LRBA: variants seen among roughly 807,000 people sequenced by gnomAD.
LRBA encodes the protein LPS responsive beige-like anchor protein, also known as lipopolysaccharide-responsive and beige-like anchor protein.
A neutral mutation model predicts 330.0 loss-of-function variants in LRBA; 176 were observed. That is an observed-to-expected ratio of 0.53 (90% CI 0.47 to 0.60). LRBA has a LOEUF of 0.60. Among genes scored for constraint, LRBA ranks in the 20% least tolerant of loss-of-function variants. The pLI is 0.00. For missense variants in LRBA, 3,259 were observed against 3,444.8 expected, an observed-to-expected ratio of 0.95 and a Z score of 1.35; for synonymous variants, 1,230 against 1,193.0, an observed-to-expected ratio of 1.03 and a Z score of -0.64.
chr4:150,493,911 T>C (rs1759257548), intron 40 of LRBA, among the ~76,000 whole-genome samples: 1 of 152,040 alleles, frequency 6.6e-6, no homozygotes, highest in Admixed American at 6.5e-5. Context: ...TAGCAAGACC[T>C]CATCTCTACA....
chr4:150,627,435 G>T (rs1254201172), intron 37 of LRBA, among the ~76,000 whole-genome samples: 1 of 151,596 alleles, frequency 6.6e-6, no homozygotes, highest in Admixed American at 6.6e-5. Context: ...TAAACACAAG[G>T]GTAGTTAATC....
intron 47 of LRBA, among the ~76,000 whole-genome samples, chr4:150,402,126 TAAA>T (rs545194572): frequency 3.4e-5 from 4 of 117,624 alleles, no homozygotes; most frequent in Non-Finnish European, 3.6e-5. Context: ...CCATCTCTAC[TAAA>T]AAAAAAAAAA....
intron 46 of LRBA, among the ~76,000 whole-genome samples, chr4:150,417,634 A>G (rs1747969462): frequency 6.6e-6 from 1 of 152,076 alleles, no homozygotes; most frequent in Non-Finnish European, 1.5e-5. Context: ...TTGTTTTATA[A>G]TTCTCCTAGA....
At chr4:150,822,483 T>G (rs1346561162) in intron 30 of LRBA, among the ~76,000 whole-genome samples, 1 of 152,198 alleles carries the variant, frequency 6.6e-6, no homozygotes, top group Non-Finnish European at 1.5e-5. Context: ...AAATTGAGAA[T>G]AGACAGGGCA....
At chr4:150,788,911 C>T (rs540335057) in intron 34 of LRBA, among the ~76,000 whole-genome samples, 8 of 151,904 alleles carry the variant, frequency 5.3e-5, no homozygotes, top group South Asian at 4.2e-4. Context: ...CCCATCTCCA[C>T]TAAAATTCAA....
intron 37 of LRBA, among the ~76,000 whole-genome samples, chr4:150,631,568 T>C (rs1777381435): frequency 6.6e-6 from 1 of 152,206 alleles, no homozygotes; most frequent in South Asian, 2.1e-4. Flanking sequence ...CATAATCACC[T>C]TCCAAAAATG....
In LRBA at chr4:150,538,905, T is replaced by C. The variant is rs146466155; in HGVS notation, c.6331-47870A>G. On this transcript the variant is annotated intron_variant, in intron 40 of 56. Coordinates refer to ENST00000651943, the MANE Select transcript of LRBA (RefSeq NM_001364905.1). ...ATTCCTACCCCAAACCTCAGTGTTA[T>C]TCAATATTCCCATGTAACAAACCTG... is the stretch of plus-strand genomic sequence containing the variant. 8.8e-4 allele frequency among the ~76,000 whole-genome samples: 134 copies of C among 152,192 alleles called. 2 individuals are homozygous for C. The Middle Eastern group carries it at 0.014, about 15-fold the overall frequency.
intron 56 of LRBA, among the ~76,000 whole-genome samples, chr4:150,272,800 T>C (rs994756957): frequency 2.0e-5 from 3 of 151,886 alleles, no homozygotes; most frequent in Non-Finnish European, 4.4e-5. Context: ...TCAAGAAATA[T>C]AGGACTATGT....
At chr4:150,740,786 A>G (rs1731846758) in intron 35 of LRBA, among the ~76,000 whole-genome samples, 1 of 152,106 alleles carries the variant, frequency 6.6e-6, no homozygotes, top group Non-Finnish European at 1.5e-5. Context: ...CTTTCTGCAT[A>G]ATCTGATGAG....
rs111515744 is a variant in LRBA at position 150,537,755 on chromosome 4, A to T, written c.6331-46720T>A. ...CACTTGAGGTCAGCAGTTGCTCAGG[A>T]CCAGCCTGAACAACATGGTGAGACC... On this transcript the variant is annotated intron_variant, in intron 40 of 56. Coordinates refer to ENST00000651943, the MANE Select transcript of LRBA (RefSeq NM_001364905.1). Among the ~76,000 whole-genome samples the T allele has an allele frequency of 5.7e-3, 867 of 152,228 alleles. 11 individuals are homozygous for T. Among genetic ancestry groups the T allele is most frequent in the African/African-American group, 0.018 (752 of 41,544 alleles).
At chr4:150,949,419 G>A (rs1403005360) in intron 2 of LRBA, among the ~76,000 whole-genome samples, 2 of 151,980 alleles carry the variant, frequency 1.3e-5, no homozygotes, top group East Asian at 1.9e-4. Flanking sequence ...GGTTAAGATG[G>A]GGTAGAGGAA....
intron 39 of LRBA, among the ~76,000 whole-genome samples, chr4:150,588,772 C>T (rs1186860108): frequency 6.6e-6 from 1 of 152,106 alleles, no homozygotes; most frequent in Non-Finnish European, 1.5e-5. Context: ...CCTTCCTTTC[C>T]ACTGTTAAGT....
At chr4:150,494,822 C>T (rs1394774445) in intron 40 of LRBA, among the ~76,000 whole-genome samples, 2 of 151,924 alleles carry the variant, frequency 1.3e-5, no homozygotes, top group African/African-American at 4.8e-5. Flanking sequence ...GGTAAAACCC[C>T]GTCTCAATAA....
At chr4:150,564,856 C>T (rs957512017) in intron 40 of LRBA, among the ~76,000 whole-genome samples, 8 of 151,888 alleles carry the variant, frequency 5.3e-5, no homozygotes, top group Non-Finnish European at 1.0e-4. Context: ...GTCAGAATGG[C>T]GATCATTAAA....
intron 47 of LRBA, among the ~76,000 whole-genome samples, chr4:150,353,176 A>T (rs1447540558): frequency 1.3e-5 from 2 of 152,152 alleles, no homozygotes; most frequent in Non-Finnish European, 2.9e-5. Flanking sequence ...TTTACAAAAA[A>T]TATGACTCTA....
rs536065912 is a variant in LRBA, at chr4:150,426,212, T to A, written c.7041+9377A>T. 3.4e-3 allele frequency among the ~76,000 whole-genome samples: 518 copies of A among 152,114 alleles called. 4 individuals are homozygous for A. The highest frequency in any genetic ancestry group is 0.012 in the African/African-American group (497 of 41,546). On this transcript the variant is annotated intron_variant, in intron 46 of 56. Transcript: ENST00000651943. ...ATTTAGTTTGTCCTAATTTGGTAGA[T>A]AAAATGCTGTTTTTTCCTACAGTAA...
At chr4:150,350,284 A>C in intron 47 of LRBA, 125 bp from the exon 48 acceptor site, 1 of 783,202 alleles carries the variant, frequency 1.3e-6, no homozygotes, top group Non-Finnish European at 1.9e-6. Context: ...AAAAAACAAA[A>C]CTTGTGGCCG....
At chr4:150,496,963 C>A (rs1017123548) in intron 40 of LRBA, among the ~76,000 whole-genome samples, 3 of 151,986 alleles carry the variant, frequency 2.0e-5, no homozygotes, top group African/African-American at 7.2e-5. Flanking sequence ...TTTAATGGAA[C>A]ATAATTACAT....
intron 44 of LRBA, among the ~76,000 whole-genome samples, chr4:150,452,565 T>C (rs1480732129): frequency 6.7e-6 from 1 of 148,624 alleles, no homozygotes; most frequent in East Asian, 2.0e-4. Context: ...GAGGTTGCAG[T>C]GAGCCAAGAT....
Sources: allele counts gnomAD v4.1 joint callset (sites outside exome capture counted in the v4.1 genomes callset), GRCh38; gene constraint gnomAD v4.1.1; transcripts MANE v1.5; gene names NCBI Gene and HGNC (gene_info 2026-07-23, HGNC 2026-07-21).